The following ZNF407 variants were observed in gnomAD, a reference collection of about 807,000 sequenced individuals.
The protein encoded by ZNF407 is zinc finger protein 407.
A neutral mutation model predicts 131.2 loss-of-function variants in ZNF407; 17 were observed. The ratio of observed to expected loss-of-function variants is 0.13; its 90% confidence interval spans 0.09 to 0.19. ZNF407 has a LOEUF of 0.19. ZNF407 is among the 10% of genes least tolerant of loss of function. ZNF407 has a pLI of 1.00. For missense variants in ZNF407, 2,681 were observed against 2,830.6 expected (o/e 0.95, Z 1.20); for synonymous variants, 1,156 against 1,062.0 (o/e 1.09, Z -1.72).
intron 8 of ZNF407, among the ~76,000 whole-genome samples, chr18:74,994,476 T>C (rs990067476): frequency 6.6e-6 from 1 of 152,162 alleles, no homozygotes; most frequent in African/African-American, 2.4e-5. Context: ...GCCACAGAAG[T>C]GATGAAAATG....
At chr18:74,679,237 C>T (rs115446002) in intron 3 of ZNF407, among the ~76,000 whole-genome samples, 261 of 152,326 alleles carry the variant, frequency 1.7e-3, no homozygotes, top group African/African-American at 6.0e-3. Flanking sequence ...AAATGACTAA[C>T]GCTTAAAAGT....
chr18:74,657,481 G>A (rs1985514780), intron 3 of ZNF407, among the ~76,000 whole-genome samples: 1 of 152,054 alleles, frequency 6.6e-6, no homozygotes, highest in East Asian at 1.9e-4. Flanking sequence ...TGCTTTGAGC[G>A]TGAGATTTGA....
intron 1 of ZNF407, among the ~76,000 whole-genome samples, chr18:74,619,438 C>T (rs1983432239): frequency 6.6e-6 from 1 of 152,182 alleles, no homozygotes; most frequent in South Asian, 2.1e-4. Context: ...ATTCTCTTTG[C>T]TTTCCTTGAC....
At chr18:74,932,417 A>G (rs766828515) in intron 8 of ZNF407, among the ~76,000 whole-genome samples, 2 of 152,114 alleles carry the variant, frequency 1.3e-5, no homozygotes, top group Non-Finnish European at 2.9e-5. Context: ...TGGGTTTGAA[A>G]TTTTATCCTT....
intron 1 of ZNF407, among the ~76,000 whole-genome samples, chr18:74,616,153 C>A (rs1363779064): frequency 6.6e-6 from 1 of 152,146 alleles, no homozygotes; most frequent in African/African-American, 2.4e-5. Flanking sequence ...TGGGAAAAAA[C>A]CCCATGCACT....
chr18:74,673,172 G>A (rs1986219162), intron 3 of ZNF407, among the ~76,000 whole-genome samples: 1 of 152,192 alleles, frequency 6.6e-6, no homozygotes, highest in African/African-American at 2.4e-5. Flanking sequence ...ATAAGGCAGT[G>A]TATCAGTTTC....
chr18:75,058,153 G>A (rs954652381), intron 8 of ZNF407, among the ~76,000 whole-genome samples: 30 of 151,994 alleles, frequency 2.0e-4, no homozygotes, highest in East Asian at 1.9e-4. Context: ...CTCCACCCCC[G>A]CATAATGGAG....
intron 3 of ZNF407, among the ~76,000 whole-genome samples, chr18:74,757,356 T>G (rs1158045460): frequency 6.6e-6 from 1 of 152,094 alleles, no homozygotes; most frequent in South Asian, 2.1e-4. Flanking sequence ...CATATTTGTT[T>G]CCATTCATCT....
chr18:74,776,047 G>A (rs923018613), intron 3 of ZNF407, among the ~76,000 whole-genome samples: 7 of 152,154 alleles, frequency 4.6e-5, no homozygotes, highest in African/African-American at 1.4e-4. Flanking sequence ...GGGCAGGAAC[G>A]CAGAATCAAA....
At chr18:74,996,200 A>G (rs1284526095) in intron 8 of ZNF407, among the ~76,000 whole-genome samples, 1 of 152,208 alleles carries the variant, frequency 6.6e-6, no homozygotes, top group Non-Finnish European at 1.5e-5. Context: ...GGTAAATCCT[A>G]CTAGATGAGG....
chr18:75,004,274 T>C (rs11873202), intron 8 of ZNF407, among the ~76,000 whole-genome samples: 1,948 of 152,308 alleles, frequency 0.013, 38 homozygotes, highest in African/African-American at 0.044. Context: ...TTGCTGTATC[T>C]GATGCATTCT....
chr18:74,847,911 C>G (rs1039367818), intron 4 of ZNF407, among the ~76,000 whole-genome samples: 8 of 151,006 alleles, frequency 5.3e-5, no homozygotes, highest in Non-Finnish European at 8.8e-5. Flanking sequence ...ACGTTGGGAA[C>G]CTTTCATCCA....
At chr18:74,725,168 C>G (rs1054705970) in intron 3 of ZNF407, among the ~76,000 whole-genome samples, 1 of 152,094 alleles carries the variant, frequency 6.6e-6, no homozygotes, top group Non-Finnish European at 1.5e-5. Context: ...CAGAGTTTCA[C>G]TCCTTCGCCC....
intron 3 of ZNF407, among the ~76,000 whole-genome samples, chr18:74,709,824 A>T (rs180757277): frequency 3.3e-5 from 5 of 152,316 alleles, no homozygotes; most frequent in African/African-American, 1.2e-4. Flanking sequence ...TTTTGAAATA[A>T]TCCTGTCACT....
At chr18:74,650,817 A>G (rs1381502811) in intron 3 of ZNF407, among the ~76,000 whole-genome samples, 1 of 152,212 alleles carries the variant, frequency 6.6e-6, no homozygotes, top group Admixed American at 6.5e-5. Flanking sequence ...GTTTCACTGT[A>G]ATTAAATATT....
intron 3 of ZNF407, among the ~76,000 whole-genome samples, chr18:74,779,509 A>C (rs1969555477): frequency 6.6e-6 from 1 of 152,078 alleles, no homozygotes; most frequent in South Asian, 2.1e-4. Context: ...TTTTAAGTCC[A>C]GTGTTGGTTG....
In ZNF407 at chr18:75,064,040, G is replaced by T; in HGVS notation, c.6319G>T (p.Val2107Leu). ...LVKDGVTQVV[V>L]SEEGAVHMVA... The stretch of plus-strand genomic sequence containing the variant: ...CAAGGACGGTGTCACCCAGGTGGTG[G>T]TGAGCGAAGAGGGTGCCGTCCACAT... The change falls in exon 9 of 9, where the codon GTG becomes TTG. Residue 2107 changes from valine (V) to leucine (L), a missense_variant. Transcript: ENST00000299687. The T allele has an allele frequency of 6.2e-7, 1 of 1,600,376 alleles. No individual in the cohort carries two copies. Among genetic ancestry groups the T allele is most frequent in the Non-Finnish European group, 8.5e-7 (1 of 1,174,116 alleles).
At chr18:74,927,649 G>A (rs1398435081) in intron 8 of ZNF407, among the ~76,000 whole-genome samples, 2 of 152,146 alleles carry the variant, frequency 1.3e-5, no homozygotes, top group Non-Finnish European at 1.5e-5. Context: ...TGAACATGAG[G>A]TTCAAATTAG....
intron 3 of ZNF407, among the ~76,000 whole-genome samples, chr18:74,710,656 A>T (rs1967737248): frequency 6.6e-6 from 1 of 152,192 alleles, no homozygotes; most frequent in Admixed American, 6.5e-5. Flanking sequence ...GTTTGTAAAT[A>T]CACCTCACAG....
Sources: allele counts gnomAD v4.1 joint callset (sites outside exome capture counted in the v4.1 genomes callset), GRCh38; gene constraint gnomAD v4.1.1; transcripts MANE v1.5; gene names NCBI Gene and HGNC (gene_info 2026-07-23, HGNC 2026-07-21).